SEPTIN7: variants seen among roughly 807,000 people sequenced by gnomAD.
SEPTIN7 encodes septin-7.
Under a neutral mutation model 63.3 loss-of-function variants are expected in SEPTIN7, and 10 were observed. The ratio of observed to expected loss-of-function variants is 0.16; its 90% confidence interval spans 0.10 to 0.27. The LOEUF is 0.27. SEPTIN7 is among the 10% of genes least tolerant of loss of function. The pLI is 1.00. For missense variants in SEPTIN7, 310 were observed against 521.0 expected (o/e 0.59, Z 3.94); for synonymous variants, 131 against 165.3 (o/e 0.79, Z 1.59).
chr7:35,888,925 C>T (rs527841328), intron 10 of SEPTIN7: 1 of 286,832 alleles, frequency 3.5e-6, no homozygotes, highest in East Asian at 9.2e-5. Flanking sequence ...GAAACTGGTT[C>T]CAAAAAGTGT....
At chr7:35,895,302 A>G (rs562000806) in intron 11 of SEPTIN7, among the ~76,000 whole-genome samples, 75 of 152,330 alleles carry the variant, frequency 4.9e-4, no homozygotes, top group Non-Finnish European at 4.4e-4. Context: ...AAAGATGACT[A>G]GAAGTGAGGT....
chr7:35,887,601 C>A (rs1219474421), intron 10 of SEPTIN7, among the ~76,000 whole-genome samples: 1 of 152,224 alleles, frequency 6.6e-6, no homozygotes. Flanking sequence ...CCTGCCTCAG[C>A]CTCCCACAGT....
downstream of SEPTIN7, among the ~76,000 whole-genome samples, chr7:35,911,955 A>G (rs1278486444): frequency 6.6e-6 from 1 of 152,252 alleles, no homozygotes; most frequent in African/African-American, 2.4e-5. Flanking sequence ...AATGGATACA[A>G]ACACTTGGAA....
intron 1 of SEPTIN7, among the ~76,000 whole-genome samples, chr7:35,827,809 C>G (rs1783596653): frequency 6.6e-6 from 1 of 152,092 alleles, no homozygotes; most frequent in Non-Finnish European, 1.5e-5. Context: ...AGTATATTTT[C>G]TAAATAGTAT....
At chr7:35,846,038 A>G (rs1784650268) in intron 3 of SEPTIN7, among the ~76,000 whole-genome samples, 2 of 152,146 alleles carry the variant, frequency 1.3e-5, no homozygotes, top group South Asian at 4.1e-4. Flanking sequence ...ACTTGTTACA[A>G]AATGGTTTTT....
intron 12 of SEPTIN7, chr7:35,901,474 A>G (rs1242209595): frequency 6.6e-6 from 1 of 152,198 alleles, no homozygotes. Flanking sequence ...CCCAGGAGGT[A>G]TTTTATAAAT....
intron 1 of SEPTIN7, among the ~76,000 whole-genome samples, chr7:35,827,083 T>C (rs561067623): frequency 6.6e-6 from 1 of 152,318 alleles, no homozygotes; most frequent in African/African-American, 2.4e-5. Flanking sequence ...AGTTTGATTT[T>C]TCTTAACTAT....
chr7:35,815,291 G>A (rs1034024155), intron 1 of SEPTIN7: 1 of 284,490 alleles, frequency 3.5e-6, no homozygotes, highest in Non-Finnish European at 6.9e-6. Flanking sequence ...TTGCTGCTGG[G>A]GTGTCACTGC....
downstream of SEPTIN7, among the ~76,000 whole-genome samples, chr7:35,910,909 G>A (rs1277929779): frequency 1.3e-5 from 2 of 152,172 alleles, no homozygotes; most frequent in African/African-American, 2.4e-5. Flanking sequence ...ATAACTTGGG[G>A]TACAGGCTAT....
intron 3 of SEPTIN7, among the ~76,000 whole-genome samples, chr7:35,847,731 CTT>C (rs1192144617): frequency 2.6e-5 from 4 of 152,080 alleles, no homozygotes; most frequent in Middle Eastern, 3.4e-3. Flanking sequence ...GTACAGTACT[CTT>C]TTATTTTTAA....
At chr7:35,902,350 C>T (rs892074488) in intron 12 of SEPTIN7, 6 of 151,968 alleles carry the variant, frequency 3.9e-5, no homozygotes, top group Admixed American at 2.6e-4. Flanking sequence ...GCATTCTTTA[C>T]AGTATTAATA....
chr7:35,819,026 C>CAGA (rs1789252453), intron 1 of SEPTIN7, among the ~76,000 whole-genome samples: 1 of 151,694 alleles, frequency 6.6e-6, no homozygotes, highest in Non-Finnish European at 1.5e-5. Flanking sequence ...TATTCTTTTT[C>CAGA]TAGTTTCTTG....
In SEPTIN7 at chr7:35,904,404, A is replaced by C. The variant is rs1283401486; in HGVS notation, c.*111A>C. 5.4e-6 allele frequency: 4 copies of C among 747,372 alleles called. No individual in the cohort carries two copies. Among genetic ancestry groups the C allele is most frequent in the Non-Finnish European group, 8.1e-6 (4 of 493,650 alleles). 46.3% of individuals were successfully genotyped at this position (747,372 alleles called of 1,614,324 possible). On this transcript the variant is annotated 3_prime_UTR_variant, in exon 14 of 14. Transcript: ENST00000350320. Reference sequence around the variant, plus strand: ...GCACCAGTTTTATCCATAATGATGGATTTAACAGCATGACAAAAATTATTT... The same window carrying C: ...GCACCAGTTTTATCCATAATGATGGCTTTAACAGCATGACAAAAATTATTT...
At chr7:35,876,489 T>C (rs1284265692) in intron 6 of SEPTIN7, among the ~76,000 whole-genome samples, 2 of 152,192 alleles carry the variant, frequency 1.3e-5, no homozygotes, top group African/African-American at 4.8e-5. Flanking sequence ...TTATATTTAG[T>C]GTTTTATATA....
upstream of SEPTIN7, chr7:35,801,010 G>T (rs1375670740): frequency 8.8e-6 from 4 of 452,602 alleles, no homozygotes; most frequent in Non-Finnish European, 1.6e-5. Flanking sequence ...CCTCCGCTAG[G>T]CCCGGAAGCC....
intron 1 of SEPTIN7, among the ~76,000 whole-genome samples, chr7:35,826,927 T>TA (rs2115840615): frequency 6.6e-6 from 1 of 152,300 alleles, no homozygotes; most frequent in East Asian, 1.9e-4. Flanking sequence ...AGAATTTCAG[T>TA]AATCTATCTA....
At chr7:35,803,033 A>T (rs866786410) in intron 1 of SEPTIN7, 7 of 301,298 alleles carry the variant, frequency 2.3e-5, no homozygotes, top group African/African-American at 1.6e-4. Flanking sequence ...ATATTTTACC[A>T]CATCTTAGGC....
At chr7:35,833,804 G>T (rs556626903) in intron 3 of SEPTIN7, among the ~76,000 whole-genome samples, 2 of 151,926 alleles carry the variant, frequency 1.3e-5, no homozygotes, top group East Asian at 3.9e-4. Context: ...TTTTATTTTG[G>T]TGCTGAATTA....
chr7:35,876,656 C>T (rs1217579101), intron 6 of SEPTIN7, among the ~76,000 whole-genome samples: 2 of 152,176 alleles, frequency 1.3e-5, no homozygotes, highest in African/African-American at 4.8e-5. Flanking sequence ...AGTGAGATCC[C>T]ATCTCTACAA....
Sources: gnomAD v4.1 joint callset for allele counts (sites outside exome capture counted in the v4.1 genomes callset) on GRCh38, gnomAD v4.1.1 for gene constraint, MANE v1.5 for transcripts, NCBI Gene and HGNC (gene_info 2026-07-23, HGNC 2026-07-21) for gene names.